Variants in MRPL9 observed in about 807,000 individuals in gnomAD.
The protein encoded by MRPL9 is mitochondrial ribosomal protein L9, also known as large ribosomal subunit protein bL9m.
In MRPL9, 25 loss-of-function variants were observed where a neutral mutation model predicts 27.6. The observed-to-expected ratio is 0.91, with a 90% CI of 0.66 to 1.27. The LOEUF (loss-of-function observed/expected upper bound fraction) is 1.27, where lower values mean the gene tolerates loss of function less well. Ranked by LOEUF, MRPL9 falls within the 50% of genes most tolerant of loss-of-function variation. MRPL9 has a pLI of 0.00. For synonymous variants in MRPL9, 154 were observed against 139.0 expected (o/e 1.11, Z -0.76); for missense variants, 362 against 338.0 (o/e 1.07, Z -0.56).
intron 2 of MRPL9, 135 bp from the exon 3 acceptor site, chr1:151,762,635 A>T (rs1648151146): frequency 2.2e-6 from 2 of 902,796 alleles, no homozygotes; most frequent in Middle Eastern, 3.3e-4. Flanking sequence ...CATATTCACT[A>T]GGAACAAGAT....
intron 4 of MRPL9, 74 bp downstream of exon 4, chr1:151,762,031 G>T: frequency 6.8e-7 from 1 of 1,462,434 alleles, no homozygotes; most frequent in South Asian, 1.1e-5. Flanking sequence ...GAGACCTCAA[G>T]GGAATCAGGG....
chr1:151,759,918 G>A lies in MRPL9; in HGVS notation c.*132C>T, dbSNP rs1006249179. ...ATGAAGAATTCAACATGTATACGCAGTGCAGTCTGATGTCTTCAGATGTTC... is the reference window on the plus strand; with the variant it reads ...ATGAAGAATTCAACATGTATACGCAATGCAGTCTGATGTCTTCAGATGTTC... On this transcript the variant is annotated 3_prime_UTR_variant, in exon 7 of 7. Coordinates refer to ENST00000368830, the MANE Select transcript of MRPL9 (RefSeq NM_031420.4). 8.4e-7 allele frequency: 1 copy of A among 1,196,742 alleles called. No homozygotes were observed. The highest frequency in any genetic ancestry group is 1.2e-6 in the Non-Finnish European group (1 of 867,776). The allele number at this position is 1,196,742 out of a possible 1,614,324, so 74.1% of individuals were successfully genotyped here.
intron 6 of MRPL9, 70 bp downstream of exon 6, chr1:151,760,746 A>G: frequency 7.3e-7 from 1 of 1,363,822 alleles, no homozygotes; most frequent in Non-Finnish European, 1.0e-6. Flanking sequence ...TCTTTAAGAG[A>G]AAGGAAAAAA....
chr1:151,760,863 G>T lies in MRPL9; in HGVS notation c.625C>A (p.Pro209Thr). 1 of 1,564,244 alleles carries T rather than the reference G, an allele frequency of 6.4e-7. No homozygotes were observed. The highest frequency in any genetic ancestry group is 8.6e-7 in the Non-Finnish European group (1 of 1,161,900). Reference sequence around the variant, plus strand: ...CCCCACCGTGTGATAGGCTCTTCTGGTAACTTTAATGTATGTGGGGCAACC... The same window carrying T: ...CCCCACCGTGTGATAGGCTCTTCTGTTAACTTTAATGTATGTGGGGCAACC... ...VVVAPHTLKL[P>T]EEPITRWGEY... The change falls in exon 6 of 7, where the codon CCA becomes ACA. Residue 209 changes from proline to threonine, a missense_variant. Pro to Thr is a conservative substitution (Grantham distance 38, BLOSUM62 -1). Coordinates refer to ENST00000368830, the MANE Select transcript of MRPL9 (RefSeq NM_031420.4).
At position 151,762,377 on chromosome 1, in the gene MRPL9, A is replaced by G; in HGVS notation, c.434T>C (p.Leu145Ser). The G allele has an allele frequency of 6.2e-7, 1 of 1,614,116 alleles. No individual in the cohort carries two copies. The highest frequency in any genetic ancestry group is 8.5e-7 in the Non-Finnish European group (1 of 1,180,012). Residue 145 changes from leucine to serine, a missense_variant and splice_region_variant, in exon 3 of 7, where the codon TTG becomes TCG. Transcript: ENST00000368830. Reference protein sequence around the residue: ...ENKKLFEEEKLLRQEGKLEKI... With the variant: ...ENKKLFEEEKSLRQEGKLEKI... ...TCTCTGTCCTTCCTTTGAGCTCACC[A>G]ATTTCTCCTCTTCAAACAGCTTCTT... is the stretch of plus-strand genomic sequence containing the variant.
Position 151,763,349 on chromosome 1 carries a change from T to C in MRPL9, c.131A>G (p.Asn44Ser). 7 of 1,588,100 alleles carry C rather than the reference T, an allele frequency of 4.4e-6. No homozygotes were observed. The highest frequency in any genetic ancestry group is 6.0e-6 in the Non-Finnish European group (7 of 1,165,990). The change falls in exon 1 of 7, where the codon AAC (asparagine) becomes AGC (serine). Residue 44 changes from asparagine to serine, a missense_variant. Asn to Ser is a conservative substitution (Grantham distance 46). Coordinates refer to ENST00000368830, the MANE Select transcript of MRPL9 (RefSeq NM_031420.4). ...CACCCGATTTTGAGAAAGGCTGAAG[T>C]TGCAGGCCAGGTCAGGGGCGTTCCC... ...HEGNAPDLAC[N>S]FSLSQNRGTV... is the part of the protein sequence containing the mutation.
intron 6 of MRPL9, 100 bp downstream of exon 6, chr1:151,760,716 G>T: frequency 9.4e-7 from 1 of 1,064,982 alleles, no homozygotes; most frequent in Non-Finnish European, 1.3e-6. Context: ...ATCCAGCCTG[G>T]GCAATGAAAC....
In MRPL9 at chr1:151,763,475, G is replaced by A. The variant is rs1405689976; in HGVS notation, c.5C>T (p.Ala2Val). 33 of 1,573,708 alleles carry A rather than the reference G, an allele frequency of 2.1e-5. No individual in the cohort carries two copies. The highest frequency in any genetic ancestry group is 4.0e-5 in the African/African-American group (3 of 74,142). ...GCCCGGGGCCGTGACAACGGGCGCC[G>A]CCATGTTCACAGGCACAGAATGAGA... M[A>V]APVVTAPGRA... Residue 2 changes from alanine to valine, a missense_variant, in exon 1 of 7, where the codon GCG becomes GTG. Coordinates refer to ENST00000368830, the MANE Select transcript of MRPL9 (RefSeq NM_031420.4).
In MRPL9 at chr1:151,760,902, G is replaced by GAAAAAAAAAAAAAAAA; in HGVS notation, c.589-4_589-3insTTTTTTTTTTTTTTTT. ...TGTGGGGCAACCACAACACCAAGCT[G>GAAAAAAAAAAAAAAAA]CAAAAAAAAAAAAAAAAAAAAAAAT... On this transcript the variant is annotated splice_polypyrimidine_tract_variant and splice_region_variant and intron_variant, in intron 5 of 6. Transcript: ENST00000368830. 9.8e-7 allele frequency: 1 copy of GAAAAAAAAAAAAAAAA among 1,021,800 alleles called. No homozygotes were observed. The highest frequency in any genetic ancestry group is 1.2e-6 in the Non-Finnish European group (1 of 820,074). The allele number at this position is 1,021,800 out of a possible 1,614,324, so 63.3% of individuals were successfully genotyped here.
chr1:151,760,194 C>T lies in MRPL9; in HGVS notation c.673-13G>A. The T allele has an allele frequency of 6.2e-7, 1 of 1,614,034 alleles. No individual in the cohort carries two copies. Among genetic ancestry groups the T allele is most frequent in the Non-Finnish European group, 8.5e-7 (1 of 1,179,954 alleles). On this transcript the variant is annotated splice_polypyrimidine_tract_variant and intron_variant, in intron 6 of 6. Coordinates refer to ENST00000368830, the MANE Select transcript of MRPL9 (RefSeq NM_031420.4). ...CAAGCCCATTTACCTGCACACAAAA[C>T]AATGGGAATTCTCAGAGATCAGTCA...
intron 6 of MRPL9, among the ~76,000 whole-genome samples, chr1:151,760,541 C>T (rs1225160805): frequency 7.5e-6 from 1 of 133,746 alleles, no homozygotes; most frequent in Non-Finnish European, 1.5e-5. Flanking sequence ...CGTGCCACTG[C>T]ACTCCAGTCT....
intron 2 of MRPL9, 197 bp from the exon 3 acceptor site, chr1:151,762,697 C>A (rs369814180): frequency 1.5e-6 from 1 of 671,174 alleles, no homozygotes; most frequent in South Asian, 2.1e-5. Context: ...AATTTAATAT[C>A]CCCTGTATAG....
chr1:151,762,323 A>C (rs754110212), intron 3 of MRPL9, 53 bp downstream of exon 3: 1 of 1,609,660 alleles, frequency 6.2e-7, no homozygotes. Context: ...GGAAGCTGCA[A>C]GAGAAAAGAA....
chr1:151,762,500 T>C lies in MRPL9; in HGVS notation c.311A>G (p.Asn104Ser). Residue 104 changes from asparagine to serine, a missense_variant and splice_region_variant, in exon 3 of 7, where the codon AAT becomes AGT. Transcript: ENST00000368830. ...LELILTQSVE[N>S]VGVRGDLVSV... ...GACCAGGTCACCCCGGACTCCAACA[T>C]CTGTCAATTAGAACAGAGACAGGGG... The C allele has an allele frequency of 6.2e-7, 1 of 1,613,870 alleles. No homozygotes were observed. The highest frequency in any genetic ancestry group is 8.5e-7 in the Non-Finnish European group (1 of 1,179,824).
chr1:151,760,790 AAAAAG>A (rs1428273010), intron 6 of MRPL9, 21 bp downstream of exon 6: 4 of 1,547,244 alleles, frequency 2.6e-6, no homozygotes, highest in Non-Finnish European at 3.5e-6. Context: ...AAAGAAAAGA[AAAAAG>A]AAAGTATGCA....
At chr1:151,761,709 C>A (rs1221646563) in intron 4 of MRPL9, among the ~76,000 whole-genome samples, 157 bp from the exon 5 acceptor site, 1 of 152,168 alleles carries the variant, frequency 6.6e-6, no homozygotes, top group Non-Finnish European at 1.5e-5. Context: ...GAGTTTGAAA[C>A]CAGCCTGGCC....
chr1:151,760,920 A>AAAAAAAAAAAAAAAAAAAAAAAACAAC, intron 5 of MRPL9, 21 bp from the exon 6 acceptor site: 1 of 1,548,854 alleles, frequency 6.5e-7, no homozygotes, highest in Non-Finnish European at 8.6e-7. Flanking sequence ...AAAAAAAAAA[A>AAAAAAAAAAAAAAAAAAAAAAAACAAC]AAAAAATCTC....
At chr1:151,761,392 C>G in intron 5 of MRPL9, 59 bp downstream of exon 5, 1 of 1,215,760 alleles carries the variant, frequency 8.2e-7, no homozygotes, top group Non-Finnish European at 1.2e-6. Context: ...TCCCAGGCCT[C>G]CTTTCCAGAG....
Position 151,761,560 on chromosome 1 carries a change from G to C in MRPL9, c.487-8C>G. On this transcript the variant is annotated splice_polypyrimidine_tract_variant and splice_region_variant and intron_variant, in intron 4 of 6. Coordinates refer to ENST00000368830, the MANE Select transcript of MRPL9 (RefSeq NM_031420.4). ...TTTTAGAAATTTCACTGTCTGAAAG[G>C]AATTATGAGTTTGAGTCAAAGGAGA... 6.3e-7 allele frequency: 1 copy of C among 1,595,838 alleles called. No homozygotes were observed. Among genetic ancestry groups the C allele is most frequent in the Non-Finnish European group, 8.6e-7 (1 of 1,164,082 alleles).
Sources: allele counts gnomAD v4.1 joint callset (sites outside exome capture counted in the v4.1 genomes callset), GRCh38; gene constraint gnomAD v4.1.1; transcripts MANE v1.5; gene names NCBI Gene and HGNC (gene_info 2026-07-23, HGNC 2026-07-21).